The following SYNDIG1L variants were observed in gnomAD, a reference collection of about 807,000 sequenced individuals.
The protein encoded by SYNDIG1L is synapse differentiation-inducing gene protein 1-like.
Under a neutral mutation model 20.1 loss-of-function variants are expected in SYNDIG1L, and 13 were observed. The observed-to-expected ratio is 0.65, with a 90% confidence interval of 0.42 to 1.03. The LOEUF (loss-of-function observed/expected upper bound fraction) is 1.03. Among genes scored for constraint, SYNDIG1L ranks in the 50% least tolerant of loss-of-function variants. The pLI is 0.00. For synonymous variants in SYNDIG1L, 128 were observed against 129.3 expected, an observed-to-expected ratio of 0.99 and a Z score of 0.07; for missense variants, 294 against 305.1, an observed-to-expected ratio of 0.96 and a Z score of 0.27.
At chr14:74,435,264 A>G in the SYNDIG1L span, among the ~76,000 whole-genome samples, 79 of 152,156 alleles carry the variant, frequency 5.2e-4, 1 homozygote, top group Non-Finnish European at 9.7e-4. Flanking sequence ...CTTCAATTCA[A>G]TCAGCCAATA....
the SYNDIG1L span, among the ~76,000 whole-genome samples, chr14:74,454,715 A>G: frequency 6.6e-6 from 1 of 152,226 alleles, no homozygotes; most frequent in Non-Finnish European, 1.5e-5. Flanking sequence ...CCTCAGGGTT[A>G]TAGAACAGCT....
chr14:74,453,826 TGTG>T, the SYNDIG1L span, among the ~76,000 whole-genome samples: 200 of 151,782 alleles, frequency 1.3e-3, no homozygotes, highest in African/African-American at 4.4e-3. Flanking sequence ...ATTAGCCGGG[TGTG>T]GTGGTGCACA....
chr14:74,432,752 G>A, the SYNDIG1L span, among the ~76,000 whole-genome samples: 1 of 152,090 alleles, frequency 6.6e-6, no homozygotes, highest in South Asian at 2.1e-4. Flanking sequence ...TACTCAGAAG[G>A]TTGAGGCAGG....
chr14:74,415,674 G>A (rs1438084188), intron 1 of SYNDIG1L, among the ~76,000 whole-genome samples: 3 of 151,868 alleles, frequency 2.0e-5, no homozygotes, highest in Admixed American at 2.0e-4. Context: ...CAGGTAGCTG[G>A]GACTATAGGC....
chr14:74,408,189 A>G (rs2086100024), intron 2 of SYNDIG1L, among the ~76,000 whole-genome samples, 200 bp from the exon 3 acceptor site: 1 of 152,252 alleles, frequency 6.6e-6, no homozygotes, highest in Non-Finnish European at 1.5e-5. Flanking sequence ...TTCCACTTTT[A>G]GGAATTTATC....
the SYNDIG1L span, chr14:74,476,371 G>A: frequency 2.7e-6 from 2 of 734,578 alleles, no homozygotes; most frequent in Non-Finnish European, 4.8e-6. Flanking sequence ...GAGCTAAGCT[G>A]ATCTTTCTGC....
the SYNDIG1L span, among the ~76,000 whole-genome samples, chr14:74,459,950 C>A: frequency 6.6e-6 from 1 of 152,206 alleles, no homozygotes; most frequent in Non-Finnish European, 1.5e-5. Flanking sequence ...CTGCTCTCCT[C>A]CCAGATGCTT....
the SYNDIG1L span, among the ~76,000 whole-genome samples, chr14:74,440,298 G>C: frequency 6.6e-6 from 1 of 151,176 alleles, no homozygotes; most frequent in South Asian, 2.1e-4. Flanking sequence ...GGCGGATCAC[G>C]AGGTCAGGAG....
At chr14:74,479,001 C>T in the SYNDIG1L span, among the ~76,000 whole-genome samples, 1 of 152,026 alleles carries the variant, frequency 6.6e-6, no homozygotes, top group African/African-American at 2.4e-5. Flanking sequence ...ATAGGCAGTC[C>T]GAAGCCAGAG....
chr14:74,440,688 G>GAA, the SYNDIG1L span, among the ~76,000 whole-genome samples: 1 of 136,552 alleles, frequency 7.3e-6, no homozygotes, highest in African/African-American at 2.7e-5. Flanking sequence ...CTGTCTAAAA[G>GAA]AAAAAAAAAA....
At chr14:74,479,057 A>G in the SYNDIG1L span, among the ~76,000 whole-genome samples, 4 of 152,236 alleles carry the variant, frequency 2.6e-5, no homozygotes, top group African/African-American at 4.8e-5. Flanking sequence ...CAATTCTGAT[A>G]CATCTAGAGT....
intron 1 of SYNDIG1L, among the ~76,000 whole-genome samples, chr14:74,418,681 A>T (rs1720329215): frequency 6.6e-6 from 1 of 152,140 alleles, no homozygotes; most frequent in Non-Finnish European, 1.5e-5. Context: ...GCTCACTGGA[A>T]CACTCGCTCT....
At chr14:74,425,805 G>C (rs146238731) in intron 1 of SYNDIG1L, 107 bp downstream of exon 1, 2,144 of 152,350 alleles carry the variant, frequency 0.014, 18 homozygotes, top group Non-Finnish European at 0.02. Flanking sequence ...CGGCCAAGCA[G>C]GGAGTCAGAG....
At chr14:74,475,982 T>C in the SYNDIG1L span, among the ~76,000 whole-genome samples, 1 of 152,374 alleles carries the variant, frequency 6.6e-6, no homozygotes, top group East Asian at 1.9e-4. Context: ...CAGTGGTTAA[T>C]GGAAGAGCTT....
chr14:74,441,518 A>G, the SYNDIG1L span, among the ~76,000 whole-genome samples: 10 of 152,148 alleles, frequency 6.6e-5, no homozygotes, highest in African/African-American at 2.4e-4. Context: ...TTTTATATAT[A>G]TATTAGAGGC....
At position 74,407,480 on chromosome 14, in the gene SYNDIG1L, G is replaced by T; in HGVS notation, c.*55C>A. 6.2e-7 allele frequency: 1 copy of T among 1,607,220 alleles called. No homozygotes were observed. On this transcript the variant is annotated 3_prime_UTR_variant, in exon 4 of 4. Transcript: ENST00000331628. ...CTTTCCATAGGGTCTGCAACTCCAA[G>T]CCCCACTGCTTCCTCAGGTGGGCAG...
At chr14:74,413,438 G>A (rs910331914) in intron 1 of SYNDIG1L, among the ~76,000 whole-genome samples, 1 of 152,198 alleles carries the variant, frequency 6.6e-6, no homozygotes, top group South Asian at 2.1e-4. Context: ...AAAGAGTAAT[G>A]ACGTGAGAAA....
At chr14:74,462,671 A>T in the SYNDIG1L span, among the ~76,000 whole-genome samples, 1 of 151,754 alleles carries the variant, frequency 6.6e-6, no homozygotes, top group African/African-American at 2.4e-5. Flanking sequence ...ATGCTGGGCT[A>T]ATTTTTGTAT....
intron 1 of SYNDIG1L, among the ~76,000 whole-genome samples, chr14:74,422,702 T>C (rs1566585558): frequency 7.8e-6 from 1 of 128,164 alleles, no homozygotes; most frequent in Admixed American, 8.5e-5. Flanking sequence ...TTTTTCTTTC[T>C]TTCTTTCCTT....
Sources: allele counts gnomAD v4.1 joint callset (sites outside exome capture counted in the v4.1 genomes callset), GRCh38; gene constraint gnomAD v4.1.1; transcripts MANE v1.5; gene names NCBI Gene and HGNC (gene_info 2026-07-23, HGNC 2026-07-21).